The following RALGAPB variants were observed in gnomAD, a reference collection of about 807,000 sequenced individuals.
The protein encoded by RALGAPB is ral GTPase-activating protein subunit beta.
A neutral mutation model predicts 161.1 loss-of-function variants in RALGAPB; 25 were observed. That is an observed-to-expected ratio of 0.16 (90% CI 0.11 to 0.22). The LOEUF (loss-of-function observed/expected upper bound fraction) is 0.22, where lower values mean the gene tolerates loss of function less well. RALGAPB is among the 10% of genes least tolerant of loss of function. RALGAPB has a pLI of 1.00. For synonymous variants in RALGAPB, 629 were observed against 626.1 expected (o/e 1.00, Z -0.07); for missense variants, 1,391 against 1,815.2 (o/e 0.77, Z 4.25).
chr20:38,532,774 T>C lies in RALGAPB; in HGVS notation c.2160T>C (p.Ser720=), dbSNP rs748594351. The C allele has an allele frequency of 1.2e-5, 19 of 1,613,562 alleles. No homozygotes were observed. The highest frequency in any genetic ancestry group is 1.5e-5 in the Non-Finnish European group (18 of 1,179,618). The change falls in exon 15 of 30, where the codon AGT becomes AGC. Residue 720 remains serine (S), a synonymous_variant. Transcript: ENST00000262879. ...TGAAGAGTCATAGTCGCACCAATAGTGGTATTAGTTCAGCAAGTGGTGGAA... is the reference window on the plus strand; with the variant it reads ...TGAAGAGTCATAGTCGCACCAATAGCGGTATTAGTTCAGCAAGTGGTGGAA... ...NNLKSHSRTN[S]GISSASGGST...
At position 38,570,859 on chromosome 20, in the gene RALGAPB, T is replaced by A. The variant is rs1435866422; in HGVS notation, c.4142+12T>A. The A allele has an allele frequency of 1.1e-5, 17 of 1,547,788 alleles. No individual in the cohort carries two copies. The highest frequency in any genetic ancestry group is 1.5e-5 in the Non-Finnish European group (17 of 1,124,232). ...AGCACTTCACTGAGGTACACTCTAT[T>A]TGCTTGAAGTTCATCAGCGTGTCTT... On this transcript the variant is annotated intron_variant, in intron 28 of 29. Coordinates refer to ENST00000262879, the MANE Select transcript of RALGAPB (RefSeq NM_020336.4).
intron 21 of RALGAPB, 114 bp downstream of exon 21, chr20:38,551,337 G>A (rs763935222): frequency 7.5e-6 from 9 of 1,206,666 alleles, no homozygotes; most frequent in Non-Finnish European, 1.1e-5. Flanking sequence ...AGATGACATG[G>A]GCCTCCATCA....
intron 1 of RALGAPB, among the ~76,000 whole-genome samples, chr20:38,486,530 CT>C (rs938367326): frequency 6.6e-6 from 1 of 152,126 alleles, no homozygotes; most frequent in African/African-American, 2.4e-5. Flanking sequence ...CAGAATTGAG[CT>C]TTTTCTGAAT....
chr20:38,556,513 G>A (rs995208946), intron 22 of RALGAPB, among the ~76,000 whole-genome samples: 1 of 151,876 alleles, frequency 6.6e-6, no homozygotes, highest in East Asian at 1.9e-4. Context: ...ATACAAAAAA[G>A]TACAAAAATT....
chr20:38,515,779 T>TTCAA lies in RALGAPB; in HGVS notation c.873-413_873-412insTCAA, dbSNP rs1406824120. On this transcript the variant is annotated intron_variant, in intron 6 of 29. Transcript: ENST00000262879. ...TGGCATGTTGCTCTGTTGCTCAGGC[T>TTCAA]GGAATGCATTGGCATGATCATAGCT... 4.5e-4 allele frequency among the ~76,000 whole-genome samples: 68 copies of TTCAA among 152,202 alleles called. 1 individual carries two copies. The highest frequency in any genetic ancestry group is 1.2e-3 in the Admixed American group (19 of 15,280).
At chr20:38,562,394 A>G in intron 23 of RALGAPB, 138 bp from the exon 24 acceptor site, 1 of 732,622 alleles carries the variant, frequency 1.4e-6, no homozygotes, top group Non-Finnish European at 2.1e-6. Context: ...TTTTCTCTAT[A>G]GTGATATATC....
chr20:38,546,224 T>G lies in RALGAPB; in HGVS notation c.2715-19T>G. On this transcript the variant is annotated intron_variant, in intron 18 of 29. Transcript: ENST00000262879. The stretch of plus-strand genomic sequence containing the variant: ...ATTTTGCTTTGGGAATTAACTGTTA[T>G]CTTTTCCATTCTCCATAGCATTATG... The G allele has an allele frequency of 6.2e-7, 1 of 1,613,160 alleles. No homozygotes were observed. Among genetic ancestry groups the G allele is most frequent in the Non-Finnish European group, 8.5e-7 (1 of 1,179,192 alleles).
chr20:38,543,028 G>A (rs1349733935), intron 18 of RALGAPB, among the ~76,000 whole-genome samples: 1 of 152,162 alleles, frequency 6.6e-6, no homozygotes, highest in Non-Finnish European at 1.5e-5. Flanking sequence ...TGCATGGCTA[G>A]CAGTGAGGAT....
intron 10 of RALGAPB, among the ~76,000 whole-genome samples, chr20:38,524,120 A>G (rs1568940176): frequency 2.0e-5 from 3 of 152,192 alleles, no homozygotes; most frequent in Admixed American, 6.5e-5. Context: ...ATAACGGGAG[A>G]TTGAATGCTT....
Position 38,534,022 on chromosome 20 carries a change from C to T in RALGAPB, c.2246-1052C>T, listed in dbSNP as rs147230100. Among the ~76,000 whole-genome samples, 290 of 151,048 alleles carry T rather than the reference C, an allele frequency of 1.9e-3. 4 individuals carry two copies. Among genetic ancestry groups the T allele is most frequent in the African/African-American group, 6.5e-3 (268 of 41,098 alleles). ...GGGGTGGGGGTGGGTGCCTGTAATCCCAGTTACTCTGGAGGCCAAGGTAGG... is the reference window on the plus strand; with the variant it reads ...GGGGTGGGGGTGGGTGCCTGTAATCTCAGTTACTCTGGAGGCCAAGGTAGG... On this transcript the variant is annotated intron_variant, in intron 15 of 29. Coordinates refer to ENST00000262879, the MANE Select transcript of RALGAPB (RefSeq NM_020336.4).
At chr20:38,567,503 T>C (rs902391273) in intron 26 of RALGAPB, among the ~76,000 whole-genome samples, 1 of 152,174 alleles carries the variant, frequency 6.6e-6, no homozygotes, top group African/African-American at 2.4e-5. Context: ...AAGCCTAGGT[T>C]TTAATTTTGT....
intron 5 of RALGAPB, among the ~76,000 whole-genome samples, chr20:38,507,898 A>G (rs984473195): frequency 1.3e-5 from 2 of 151,936 alleles, no homozygotes; most frequent in East Asian, 3.8e-4. Context: ...CATAGTCTTT[A>G]TATGTGAGAA....
chr20:38,560,516 G>A (rs1260148739), intron 23 of RALGAPB, among the ~76,000 whole-genome samples: 1 of 152,166 alleles, frequency 6.6e-6, no homozygotes, highest in Non-Finnish European at 1.5e-5. Context: ...AGAGAAGGTG[G>A]GCTGGGGGTA....
intron 2 of RALGAPB, among the ~76,000 whole-genome samples, chr20:38,491,603 A>T (rs947065083): frequency 1.3e-5 from 2 of 152,204 alleles, no homozygotes; most frequent in Non-Finnish European, 2.9e-5. Flanking sequence ...AATAGCTTAA[A>T]ATTTCTAGTT....
chr20:38,488,072 A>T (rs1239956286), intron 1 of RALGAPB, among the ~76,000 whole-genome samples: 1 of 152,150 alleles, frequency 6.6e-6, no homozygotes, highest in Non-Finnish European at 1.5e-5. Flanking sequence ...AAAAAGAAAA[A>T]AAATGTATTT....
chr20:38,497,600 G>C, intron 4 of RALGAPB, 84 bp downstream of exon 4: 3 of 1,405,682 alleles, frequency 2.1e-6, no homozygotes, highest in South Asian at 1.4e-5. Context: ...AGACTCATTG[G>C]GGATTTAAAT....
intron 11 of RALGAPB, 32 bp from the exon 12 acceptor site, chr20:38,525,372 A>G (rs755580057): frequency 1.3e-6 from 2 of 1,499,140 alleles, no homozygotes; most frequent in East Asian, 2.3e-5. Context: ...GCTTTAGTTC[A>G]AAAATACTAA....
At chr20:38,489,161 A>T (rs2085205892) in intron 2 of RALGAPB, among the ~76,000 whole-genome samples, 1 of 151,996 alleles carries the variant, frequency 6.6e-6, no homozygotes, top group Admixed American at 6.5e-5. Flanking sequence ...AGCCTAGGTG[A>T]TTGGAATTGG....
At chr20:38,497,251 G>A (rs2085453646) in intron 3 of RALGAPB, 102 bp from the exon 4 acceptor site, 2 of 1,036,032 alleles carry the variant, frequency 1.9e-6, no homozygotes, top group African/African-American at 1.6e-5. Flanking sequence ...ATATTAGGGA[G>A]CTTCATTGGA....
Sources: gnomAD v4.1 joint callset for allele counts (sites outside exome capture counted in the v4.1 genomes callset) on GRCh38, gnomAD v4.1.1 for gene constraint, MANE v1.5 for transcripts, NCBI Gene and HGNC (gene_info 2026-07-23, HGNC 2026-07-21) for gene names.